The following VPS13C variants were observed in gnomAD, a reference collection of about 807,000 sequenced individuals.
VPS13C encodes the protein intermembrane lipid transfer protein VPS13C.
In VPS13C, 358 loss-of-function variants were observed where a neutral mutation model predicts 456.8. That is an observed-to-expected ratio of 0.78 (90% CI 0.72 to 0.86). The LOEUF is 0.86. Among genes scored for constraint, VPS13C ranks in the 40% least tolerant of loss-of-function variants. The pLI is 0.00. For synonymous variants in VPS13C, 1,578 were observed against 1,486.7 expected, an observed-to-expected ratio of 1.06 and a Z score of -1.41; for missense variants, 4,818 against 4,385.4, an observed-to-expected ratio of 1.10 and a Z score of -2.79.
chr15:61,922,039 A>C lies in VPS13C; in HGVS notation c.6976-6T>G. On this transcript the variant is annotated splice_polypyrimidine_tract_variant and splice_region_variant and intron_variant, in intron 54 of 84. Coordinates refer to ENST00000644861, the MANE Select transcript of VPS13C (RefSeq NM_020821.3). Reference sequence around the variant, plus strand: ...ATCTCATTGTAATAGTGCACCTGGAAAGATACACACAAAATTATAAGACAG... The same window carrying C: ...ATCTCATTGTAATAGTGCACCTGGACAGATACACACAAAATTATAAGACAG... The C allele has an allele frequency of 6.2e-7, 1 of 1,613,004 alleles. No individual in the cohort carries two copies. Among genetic ancestry groups the C allele is most frequent in the Non-Finnish European group, 8.5e-7 (1 of 1,179,330 alleles).
intron 22 of VPS13C, among the ~76,000 whole-genome samples, chr15:61,980,942 A>G (rs1171305013): frequency 2.0e-5 from 3 of 152,224 alleles, no homozygotes; most frequent in African/African-American, 7.2e-5. Context: ...CCAAAATCCA[A>G]AAGTTGTCTT....
chr15:62,034,372 A>C (rs1408196533), intron 4 of VPS13C, among the ~76,000 whole-genome samples: 1 of 151,756 alleles, frequency 6.6e-6, no homozygotes, highest in Non-Finnish European at 1.5e-5. Flanking sequence ...AGAAATTGTA[A>C]GTAATTTTTC....
chr15:61,940,785 C>CA lies in VPS13C; in HGVS notation c.5462dup (p.Leu1821PhefsTer4). On this transcript the variant is annotated frameshift_variant, in exon 47 of 85. Transcript: ENST00000644861. LOFTEE classifies it high-confidence loss of function. The stretch of plus-strand genomic sequence containing the variant: ...TGTCATTTTGTGGCAAGCTAGCCTG[C>CA]AAAATAGTTCTGAAAGAAAAACAAG... 6.2e-7 allele frequency: 1 copy of CA among 1,605,082 alleles called. No homozygotes were observed. Among genetic ancestry groups the CA allele is most frequent in the Non-Finnish European group, 8.5e-7 (1 of 1,176,792 alleles).
chr15:61,865,606 G>T, intron 81 of VPS13C: 2 of 529,018 alleles, frequency 3.8e-6, no homozygotes, highest in Non-Finnish European at 4.8e-6. Context: ...ATATATGTAT[G>T]TGTATATATG....
intron 61 of VPS13C, among the ~76,000 whole-genome samples, chr15:61,914,293 G>A (rs1005005306): frequency 1.4e-4 from 21 of 152,078 alleles, no homozygotes; most frequent in African/African-American, 5.1e-4. Flanking sequence ...CAGGTGCCAT[G>A]CGTGGTGGCT....
chr15:61,984,992 G>A lies in VPS13C; in HGVS notation c.1586C>T (p.Ala529Val), dbSNP rs767541328. 1 of 1,559,472 alleles carries A rather than the reference G, an allele frequency of 6.4e-7. No homozygotes were observed. Among genetic ancestry groups the A allele is most frequent in the Non-Finnish European group, 8.7e-7 (1 of 1,155,318 alleles). The change falls in exon 19 of 85, where the codon GCC (alanine) becomes GTC (valine). Residue 529 changes from alanine to valine, a missense_variant. Physicochemically the swap from Ala to Val is moderately conservative, Grantham distance 64. Transcript: ENST00000644861. ...TACTAACTTCAGGGTCATAATATGG[G>A]CAACATACTATACAGAAAGAATGAA... ...HNLTLPKQYV[A>V]HIMTLKLVST...
At chr15:62,010,385 A>T in intron 13 of VPS13C, 87 bp downstream of exon 13, 1 of 1,335,078 alleles carries the variant, frequency 7.5e-7, no homozygotes. Flanking sequence ...CCAAAAAACC[A>T]CCAACCACTA....
Position 61,944,596 on chromosome 15 carries a change from G to A in VPS13C, c.5148+1119C>T, listed in dbSNP as rs1226968890. Reference sequence around the variant, plus strand: ...GGAGCTAAACACTGGGTATTTCATGGATGTAACATTGGGAAAAAAAGACAC... The same window carrying A: ...GGAGCTAAACACTGGGTATTTCATGAATGTAACATTGGGAAAAAAAGACAC... On this transcript the variant is annotated intron_variant, in intron 45 of 84. Coordinates refer to ENST00000644861, the MANE Select transcript of VPS13C (RefSeq NM_020821.3). 2.6e-5 allele frequency among the ~76,000 whole-genome samples: 4 copies of A among 152,044 alleles called. No individual in the cohort carries two copies. The South Asian group carries it at 8.3e-4, about 32-fold the overall frequency.
chr15:61,982,470 C>G lies in VPS13C; in HGVS notation c.2018G>C (p.Arg673Thr). Residue 673 changes from arginine (R) to threonine (T), a missense_variant, in exon 21 of 85, where the codon AGA (arginine) becomes ACA (threonine). Coordinates refer to ENST00000644861, the MANE Select transcript of VPS13C (RefSeq NM_020821.3). ...CTCAAATTCTTCACCTGTAGCTGTT[C>G]TCTCCTTAATTTCTTCCAGCTTCAT... ...TLMKLEEIKERTATGLTHIIE... is the reference protein window; with the variant it reads ...TLMKLEEIKETTATGLTHIIE... 6.2e-7 allele frequency: 1 copy of G among 1,607,400 alleles called. No individual in the cohort carries two copies. The highest frequency in any genetic ancestry group is 8.5e-7 in the Non-Finnish European group (1 of 1,177,938).
Position 61,950,374 on chromosome 15 carries a change from G to C in VPS13C, c.4580C>G (p.Thr1527Ser). 1.2e-6 allele frequency: 2 copies of C among 1,611,790 alleles called. No homozygotes were observed. The highest frequency in any genetic ancestry group is 1.7e-6 in the Non-Finnish European group (2 of 1,178,494). Residue 1527 changes from threonine to serine, a missense_variant, in exon 41 of 85, where the codon ACC becomes AGC. Physicochemically the swap from Thr to Ser is moderately conservative, Grantham distance 58. This residue lies in a region of VPS13C where 4,552 missense variants were observed against 4,130.6 expected (regional missense o/e 1.10). Coordinates refer to ENST00000644861, the MANE Select transcript of VPS13C (RefSeq NM_020821.3). ...AAGTTTTACCTTCAGTCTCTGTTTG[G>C]TACTGTCATGAATAGTTTTAAATTC... ...GPEFKTIHDS[T>S]KQRLKVSFAS...
chr15:61,866,298 A>G, intron 81 of VPS13C: 1 of 982,890 alleles, frequency 1.0e-6, no homozygotes, highest in Non-Finnish European at 1.2e-6. Context: ...ATATCTTAAT[A>G]AAAACTAAGA....
At chr15:61,929,362 G>T in intron 51 of VPS13C, 139 bp downstream of exon 51, 1 of 1,219,112 alleles carries the variant, frequency 8.2e-7, no homozygotes, top group Non-Finnish European at 1.1e-6. Context: ...AAACTAAAAA[G>T]CTAAAGTTTT....
intron 38 of VPS13C, among the ~76,000 whole-genome samples, chr15:61,953,628 CA>C (rs1197273382): frequency 6.6e-6 from 1 of 151,878 alleles, no homozygotes; most frequent in African/African-American, 2.4e-5. Flanking sequence ...TTTCTTAATC[CA>C]GTCTATCACT....
At chr15:62,004,732 G>A (rs1478580113) in intron 15 of VPS13C, among the ~76,000 whole-genome samples, 8 of 150,440 alleles carry the variant, frequency 5.3e-5, no homozygotes, top group East Asian at 1.9e-4. Flanking sequence ...CTTTGTTCTC[G>A]TTGGTTTCAA....
rs950786680 is a variant in VPS13C at position 61,890,283 on chromosome 15, G to A, written c.9223C>T (p.Leu3075=). Residue 3075 remains leucine, a synonymous_variant, in exon 67 of 85, where the codon CTG becomes TTG. Coordinates refer to ENST00000644861, the MANE Select transcript of VPS13C (RefSeq NM_020821.3). ...TDDVALVSKA[L]QAEEMEQADY... ...GCCTGTTCCATTTCTTCTGCCTGCA[G>A]TGCTTTGGAAACCAAGGCAACATCA... 1 of 1,613,938 alleles carries A rather than the reference G, an allele frequency of 6.2e-7. No individual in the cohort carries two copies. The highest frequency in any genetic ancestry group is 1.3e-5 in the African/African-American group (1 of 74,888).
chr15:61,856,192 C>T (rs559109182), intron 83 of VPS13C, 94 bp downstream of exon 83: 31 of 1,444,246 alleles, frequency 2.1e-5, no homozygotes, highest in South Asian at 2.6e-5. Context: ...GTAGTAATAA[C>T]GACACTAATC....
In VPS13C at chr15:61,920,376, C is replaced by G. The variant is rs186729955; in HGVS notation, c.7213-45G>C. ...CACAGTAAAATTTTTGAAAAACATA[C>G]ATTCTTCCCAAAACCTATACCATAA... On this transcript the variant is annotated intron_variant, in intron 56 of 84. Transcript: ENST00000644861. 22 of 1,524,168 alleles carry G rather than the reference C, an allele frequency of 1.4e-5. No individual in the cohort carries two copies. The East Asian group carries it at 5.0e-4, about 35-fold the overall frequency. The allele number at this position is 1,524,168 out of a possible 1,614,324, so 94.4% of individuals were successfully genotyped here.
Position 61,978,838 on chromosome 15 carries a change from T to G in VPS13C, c.2167-89A>C, listed in dbSNP as rs188456991. On this transcript the variant is annotated intron_variant, in intron 22 of 84. Transcript: ENST00000644861. Reference sequence around the variant, plus strand: ...TTTAGTTAGGTTTCAGTCTTGCATTTAGTTAGTTAAAACCTAACAAATTGA... The same window carrying G: ...TTTAGTTAGGTTTCAGTCTTGCATTGAGTTAGTTAAAACCTAACAAATTGA... 2.8e-4 allele frequency: 385 copies of G among 1,353,862 alleles called. 1 individual carries two copies. The African/African-American group carries it at 5.4e-3, about 19-fold the overall frequency. The allele number at this position is 1,353,862 out of a possible 1,614,324, so 83.9% of individuals were successfully genotyped here.
At chr15:61,943,036 A>C (rs2044480185) in intron 45 of VPS13C, among the ~76,000 whole-genome samples, 1 of 152,160 alleles carries the variant, frequency 6.6e-6, no homozygotes, top group Non-Finnish European at 1.5e-5. Flanking sequence ...CAAAAAAACA[A>C]AGTACCTAGA....
Sources: allele counts gnomAD v4.1 joint callset (sites outside exome capture counted in the v4.1 genomes callset), GRCh38; gene constraint gnomAD v4.1.1; regional missense constraint gnomAD v4.1.1; transcripts MANE v1.5; gene names NCBI Gene and HGNC (gene_info 2026-07-23, HGNC 2026-07-21).